Variants in ALDH1L1 observed in about 807,000 individuals in gnomAD.
ALDH1L1 encodes aldehyde dehydrogenase 1 family member L1, also known as cytosolic 10-formyltetrahydrofolate dehydrogenase.
ALDH1L1 carries 68 observed loss-of-function variants against 101.1 expected under a neutral mutation model. The observed-to-expected ratio is 0.67, with a 90% CI of 0.55 to 0.82. The LOEUF is 0.82. ALDH1L1 is among the 40% of genes least tolerant of loss of function. The probability of loss-of-function intolerance (pLI) is 0.00; values close to 1 mark genes in which losing one functional copy is unlikely to be tolerated. For missense variants in ALDH1L1, 1,087 were observed against 1,172.7 expected, an observed-to-expected ratio of 0.93 and a Z score of 1.07; for synonymous variants, 486 against 470.8, an observed-to-expected ratio of 1.03 and a Z score of -0.42.
chr3:126,150,276 C>T (rs1489959794), intron 8 of ALDH1L1, 130 bp downstream of exon 8: 3 of 1,413,412 alleles, frequency 2.1e-6, no homozygotes, highest in Admixed American at 2.7e-5. Context: ...AGAACCAACA[C>T]TGCACCTGGA....
chr3:126,187,394 T>C (rs10934754), intron 1 of ALDH1L1, among the ~76,000 whole-genome samples: 54,017 of 151,642 alleles, frequency 0.36, 10,368 homozygotes, highest in Middle Eastern at 0.49. Context: ...TTACCCATGG[T>C]TCATGTTGGT....
intron 1 of ALDH1L1, among the ~76,000 whole-genome samples, chr3:126,176,499 A>T (rs1312881901): frequency 6.6e-6 from 1 of 152,238 alleles, no homozygotes; most frequent in African/African-American, 2.4e-5. Context: ...TCAATTGAAC[A>T]GAATAGAGAG....
At chr3:126,175,249 C>G (rs574747597) in intron 1 of ALDH1L1, among the ~76,000 whole-genome samples, 1 of 152,026 alleles carries the variant, frequency 6.6e-6, no homozygotes, top group African/African-American at 2.4e-5. Flanking sequence ...GAGCCAGTAG[C>G]CTTCCAAAAT....
At chr3:126,119,433 C>A (rs1456428371) in intron 16 of ALDH1L1, among the ~76,000 whole-genome samples, 1 of 152,222 alleles carries the variant, frequency 6.6e-6, no homozygotes, top group Non-Finnish European at 1.5e-5. Flanking sequence ...TTGGTTCAAT[C>A]CAAGAACCCA....
At chr3:126,135,877 A>G (rs1264057935) in intron 11 of ALDH1L1, among the ~76,000 whole-genome samples, 1 of 152,030 alleles carries the variant, frequency 6.6e-6, no homozygotes, top group Non-Finnish European at 1.5e-5. Flanking sequence ...GTGTGTCTAC[A>G]CCCCAAGGTC....
chr3:126,114,401 A>G (rs1946170663), intron 18 of ALDH1L1, among the ~76,000 whole-genome samples, 156 bp downstream of exon 18: 1 of 152,148 alleles, frequency 6.6e-6, no homozygotes, highest in African/African-American at 2.4e-5. Flanking sequence ...TTCTTCCCTA[A>G]GCCTGCTGCC....
At chr3:126,157,597 A>G in intron 3 of ALDH1L1, 89 bp from the exon 4 acceptor site, 2 of 1,443,356 alleles carry the variant, frequency 1.4e-6, no homozygotes, top group Admixed American at 2.1e-5. Context: ...GCCACCCTCC[A>G]GGAGGCCCTC....
intron 14 of ALDH1L1, among the ~76,000 whole-genome samples, chr3:126,126,075 G>A (rs1044408272): frequency 3.9e-5 from 6 of 152,134 alleles, no homozygotes. Flanking sequence ...GAGGGTCAGG[G>A]GTCACCAGGG....
chr3:126,153,577 A>T lies in ALDH1L1; in HGVS notation c.725T>A (p.Leu242Gln). The T allele has an allele frequency of 1.2e-6, 2 of 1,611,674 alleles. No individual in the cohort carries two copies. Among genetic ancestry groups the T allele is most frequent in the Non-Finnish European group, 1.7e-6 (2 of 1,178,404 alleles). Residue 242 changes from leucine (L) to glutamine (Q), a missense_variant, in exon 7 of 23, where the codon CTG (leucine) becomes CAG (glutamine). Transcript: ENST00000393434. ...GAWTEACEQKLTFFNSTLNTS... is the reference protein window; with the variant it reads ...GAWTEACEQKQTFFNSTLNTS... ...GTTCAGCGTTGAGTTGAAAAATGTC[A>T]GTTTCTGTCAAGGGGAGAAATATCA... is the stretch of plus-strand genomic sequence containing the variant.
At chr3:126,196,288 T>G (rs1449458022) in intron 1 of ALDH1L1, among the ~76,000 whole-genome samples, 2 of 152,102 alleles carry the variant, frequency 1.3e-5, no homozygotes, top group East Asian at 1.9e-4. Flanking sequence ...GGTCTCATTT[T>G]TATACCATTT....
intron 10 of ALDH1L1, 120 bp from the exon 11 acceptor site, chr3:126,137,003 T>G (rs544817902): frequency 7.1e-7 from 1 of 1,404,108 alleles, no homozygotes; most frequent in East Asian, 2.4e-5. Flanking sequence ...CAGAGCTGCA[T>G]GTAGGCAACA....
Position 126,197,217 on chromosome 3 carries a change from C to T in ALDH1L1, c.-24+518G>A, listed in dbSNP as rs558426891. On this transcript the variant is annotated intron_variant, in intron 1 of 2. Coordinates refer to the ALDH1L1 transcript ENST00000509952. Reference sequence around the variant, plus strand: ...TACCACTGTAAGTTATCTTTAGTAACGTTTCGCTGTTTCTGTAAGACTTTG... The same window carrying T: ...TACCACTGTAAGTTATCTTTAGTAATGTTTCGCTGTTTCTGTAAGACTTTG... Among the ~76,000 whole-genome samples, 31 of 152,250 alleles carry T rather than the reference C, an allele frequency of 2.0e-4. No individual in the cohort carries two copies. The South Asian group carries it at 2.9e-3, about 14-fold the overall frequency.
At chr3:126,181,260 A>C (rs2081471565), upstream of ALDH1L1, 1 of 545,062 alleles carries the variant, frequency 1.8e-6, no homozygotes, top group Admixed American at 3.1e-5. Flanking sequence ...CGGGAGTGAT[A>C]ATTGCGTATT....
At chr3:126,195,530 C>T (rs572094972) in intron 1 of ALDH1L1, among the ~76,000 whole-genome samples, 1 of 152,306 alleles carries the variant, frequency 6.6e-6, no homozygotes, top group South Asian at 2.1e-4. Context: ...TAAACTAGTT[C>T]AACCATTGTG....
chr3:126,132,804 C>T (rs144519861), intron 12 of ALDH1L1, among the ~76,000 whole-genome samples: 68 of 152,314 alleles, frequency 4.5e-4, no homozygotes, highest in African/African-American at 1.6e-3. Context: ...TCACGATTTG[C>T]CTGCCCACTG....
chr3:126,183,588 G>T (rs112326977), upstream of ALDH1L1, among the ~76,000 whole-genome samples: 1 of 152,148 alleles, frequency 6.6e-6, no homozygotes, highest in Non-Finnish European at 1.5e-5. Context: ...TTCAGGACCC[G>T]CCCAGGAAGA....
upstream of ALDH1L1, chr3:126,181,001 C>T (rs1192245537): frequency 6.2e-7 from 1 of 1,607,408 alleles, no homozygotes; most frequent in Non-Finnish European, 8.5e-7. Context: ...AAAGGAGACG[C>T]TGCCCTCCGG....
rs2305230 is a variant in ALDH1L1, at chr3:126,137,852, C to A, written c.1185G>T (p.Leu395=). ...GDFIQLLVRK[L]RGDDEEGECS... is the part of the protein sequence containing the mutation. ...ACTCGCCCTCCTCATCGTCCCCTCGCAGCTTCCTCACTAACAGCTGGATGA... is the reference window on the plus strand; with the variant it reads ...ACTCGCCCTCCTCATCGTCCCCTCGAAGCTTCCTCACTAACAGCTGGATGA... Residue 395 remains leucine (L), a synonymous_variant, in exon 10 of 23, where the codon CTG becomes CTT. Transcript: ENST00000393434. 0.17 allele frequency: 277,272 copies of A among 1,613,982 alleles called. 26,561 individuals carry two copies. Among genetic ancestry groups the A allele is most frequent in the African/African-American group, 0.39 (29,246 of 74,976 alleles).
At chr3:126,186,487 C>A (rs1463132678), upstream of ALDH1L1, among the ~76,000 whole-genome samples, 1 of 151,748 alleles carries the variant, frequency 6.6e-6, no homozygotes, top group Admixed American at 6.6e-5. Flanking sequence ...CTGACCCTGA[C>A]CCTGAACCTG....
Sources: allele counts gnomAD v4.1 joint callset (sites outside exome capture counted in the v4.1 genomes callset), GRCh38; gene constraint gnomAD v4.1.1; transcripts MANE v1.5; gene names NCBI Gene and HGNC (gene_info 2026-07-23, HGNC 2026-07-21).